The following RBFOX1 variants were observed in gnomAD, a reference collection of about 807,000 sequenced individuals.
RBFOX1 encodes RNA binding protein fox-1 homolog 1.
Under a neutral mutation model 57.7 loss-of-function variants are expected in RBFOX1, and 8 were observed. The observed-to-expected ratio is 0.14, with a 90% CI of 0.08 to 0.25. The LOEUF is 0.25. Among genes scored for constraint, RBFOX1 ranks in the 10% least tolerant of loss-of-function variants. The pLI, the probability that RBFOX1 is intolerant of heterozygous loss-of-function variation, is 1.00. For synonymous variants in RBFOX1, 326 were observed against 222.4 expected, an observed-to-expected ratio of 1.47 and a Z score of -4.15; for missense variants, 611 against 548.5, an observed-to-expected ratio of 1.11 and a Z score of -1.14.
chr16:7,138,556 C>G (rs1015849404), intron 4 of RBFOX1, among the ~76,000 whole-genome samples: 6 of 152,102 alleles, frequency 3.9e-5, no homozygotes, highest in Admixed American at 1.3e-4. Context: ...TGTGAAACAA[C>G]GTTAATTTTA....
At chr16:5,677,086 C>A (rs1293632704) in intron 3 of RBFOX1, among the ~76,000 whole-genome samples, 1 of 152,154 alleles carries the variant, frequency 6.6e-6, no homozygotes, top group Non-Finnish European at 1.5e-5. Context: ...GTGGGAAGTT[C>A]TTGCTCAGTC....
Position 7,612,320 on chromosome 16 carries a change from CAAAAAAAAAAAAAAA to C in RBFOX1, c.676+4997_676+5011del, listed in dbSNP as rs60248765. Among the ~76,000 whole-genome samples, 299 of 71,458 alleles carry C rather than the reference CAAAAAAAAAAAAAAA, an allele frequency of 4.2e-3. 2 individuals are homozygous for C. Among genetic ancestry groups the C allele is most frequent in the Middle Eastern group, 8.6e-3 (1 of 116 alleles). 46.9% of individuals were successfully genotyped at this position (71,458 alleles called of 152,430 possible). On this transcript the variant is annotated intron_variant, in intron 10 of 15. Coordinates refer to ENST00000550418, the MANE Select transcript of RBFOX1 (RefSeq NM_018723.4). ...TGGGTAACAGAGCGAGACTCCATCT[CAAAAAAAAAAAAAAA>C]AAAAAAAAAAAAAAGACAAATGATT...
At chr16:6,759,298 A>G (rs774871231) in intron 3 of RBFOX1, among the ~76,000 whole-genome samples, 2 of 152,014 alleles carry the variant, frequency 1.3e-5, no homozygotes, top group African/African-American at 2.4e-5. Context: ...TTACAGGTGC[A>G]TGGCACCACA....
chr16:6,334,619 G>C (rs563938109), intron 2 of RBFOX1, among the ~76,000 whole-genome samples: 1 of 152,092 alleles, frequency 6.6e-6, no homozygotes, highest in Non-Finnish European at 1.5e-5. Context: ...TATCTGGATT[G>C]GGTCATAGGG....
chr16:7,344,551 A>G (rs1372009355), intron 4 of RBFOX1, among the ~76,000 whole-genome samples: 2 of 151,306 alleles, frequency 1.3e-5, no homozygotes, highest in African/African-American at 4.8e-5. Flanking sequence ...ACTGTATAAT[A>G]GTTACATAGT....
intron 13 of RBFOX1, among the ~76,000 whole-genome samples, chr16:7,668,258 T>A (rs2070089124): frequency 6.6e-6 from 1 of 152,108 alleles, no homozygotes; most frequent in African/African-American, 2.4e-5. Context: ...CCAAAGCACA[T>A]AGTCATTGAA....
intron 14 of RBFOX1, among the ~76,000 whole-genome samples, chr16:7,691,614 G>C (rs1050915022): frequency 6.6e-6 from 1 of 152,080 alleles, no homozygotes; most frequent in Non-Finnish European, 1.5e-5. Context: ...TTAGAGGGCT[G>C]TTTCTATTCA....
chr16:6,349,416 A>T (rs1266608186), intron 2 of RBFOX1, among the ~76,000 whole-genome samples: 1 of 152,220 alleles, frequency 6.6e-6, no homozygotes, highest in Non-Finnish European at 1.5e-5. Flanking sequence ...AAAATCATCG[A>T]GATACGAATA....
intron 1 of RBFOX1, among the ~76,000 whole-genome samples, chr16:5,290,534 G>A (rs374273230): frequency 3.9e-5 from 6 of 152,152 alleles, no homozygotes; most frequent in African/African-American, 1.2e-4. Flanking sequence ...CAAATCATAC[G>A]GTACCTGAAT....
At position 7,304,248 on chromosome 16, in the gene RBFOX1, C is replaced by G. The variant is rs980825473; in HGVS notation, c.28-213899C>G. The G allele has an allele frequency of 4.8e-5, 46 of 958,182 alleles. No individual in the cohort carries two copies. In the African/African-American group the frequency reaches 6.0e-4, roughly 12 times the overall value. The allele number at this position is 958,182 out of a possible 1,614,324, so 59.4% of individuals were successfully genotyped here. A position where few individuals can be genotyped will look rare whatever the true frequency, so the allele number is the denominator to read the frequency against. On this transcript the variant is annotated intron_variant, in intron 4 of 15. Coordinates refer to ENST00000550418, the MANE Select transcript of RBFOX1 (RefSeq NM_018723.4). Reference sequence around the variant, plus strand: ...AGAGAGAGAGAGAGAGAGAGAGAGACAGCGCGAGCCACCGGTCATTGACTT... The same window carrying G: ...AGAGAGAGAGAGAGAGAGAGAGAGAGAGCGCGAGCCACCGGTCATTGACTT...
At chr16:6,469,819 C>T (rs958852458) in intron 2 of RBFOX1, among the ~76,000 whole-genome samples, 8 of 152,162 alleles carry the variant, frequency 5.3e-5, no homozygotes, top group Admixed American at 5.2e-4. Context: ...CACGGGCTCA[C>T]TAAGTGGGAG....
chr16:5,371,415 A>T (rs2065853681), intron 1 of RBFOX1, among the ~76,000 whole-genome samples: 1 of 152,230 alleles, frequency 6.6e-6, no homozygotes. Context: ...AGGCACCTGC[A>T]AGTCCAGGAG....
At chr16:6,607,220 A>G (rs191334504) in intron 2 of RBFOX1, among the ~76,000 whole-genome samples, 1 of 152,198 alleles carries the variant, frequency 6.6e-6, no homozygotes, top group South Asian at 2.1e-4. Flanking sequence ...TGACAGAAAG[A>G]TATCAGAATG....
chr16:6,310,013 G>A (rs1180822164), intron 1 of RBFOX1, among the ~76,000 whole-genome samples: 6 of 152,220 alleles, frequency 3.9e-5, no homozygotes, highest in South Asian at 2.1e-4. Context: ...TCAGCCTCCC[G>A]AGGAGCTGGG....
chr16:7,359,716 G>A (rs908838652), intron 4 of RBFOX1, among the ~76,000 whole-genome samples: 1 of 152,202 alleles, frequency 6.6e-6, no homozygotes, highest in Non-Finnish European at 1.5e-5. Flanking sequence ...CTGGCATGGT[G>A]GCTTACCCCT....
chr16:7,490,434 T>TG (rs1275795377), intron 4 of RBFOX1, among the ~76,000 whole-genome samples: 1 of 152,238 alleles, frequency 6.6e-6, no homozygotes, highest in African/African-American at 2.4e-5. Flanking sequence ...GATTCTAGTT[T>TG]CACTGTTTAT....
chr16:6,598,740 G>A (rs545293520), intron 2 of RBFOX1, among the ~76,000 whole-genome samples: 78 of 152,306 alleles, frequency 5.1e-4, no homozygotes, highest in African/African-American at 1.8e-3. Flanking sequence ...GAGGTTGGGA[G>A]TTCGAGACCA....
chr16:6,555,754 G>T (rs1448956062), intron 2 of RBFOX1, among the ~76,000 whole-genome samples: 2 of 152,144 alleles, frequency 1.3e-5, no homozygotes, highest in African/African-American at 4.8e-5. Flanking sequence ...CATCTATTGT[G>T]TGTTTATCTC....
At chr16:6,917,361 C>T (rs1017427645) in intron 3 of RBFOX1, among the ~76,000 whole-genome samples, 6 of 152,160 alleles carry the variant, frequency 3.9e-5, no homozygotes, top group African/African-American at 1.4e-4. Flanking sequence ...TGGGATTGCA[C>T]ATGAAATGAA....
Sources: allele counts gnomAD v4.1 joint callset (sites outside exome capture counted in the v4.1 genomes callset), GRCh38; gene constraint gnomAD v4.1.1; transcripts MANE v1.5; gene names NCBI Gene and HGNC (gene_info 2026-07-23, HGNC 2026-07-21).